Variants in ATG5 observed in about 807,000 individuals in gnomAD.
ATG5 encodes the protein autophagy protein 5.
Under a neutral mutation model 36.5 loss-of-function variants are expected in ATG5, and 14 were observed. That is an observed-to-expected ratio of 0.38 (90% CI 0.25 to 0.60). The LOEUF (loss-of-function observed/expected upper bound fraction) is 0.60, where lower values mean the gene tolerates loss of function less well. ATG5 is among the 20% of genes least tolerant of loss of function. The pLI, the probability that ATG5 is intolerant of heterozygous loss-of-function variation, is 0.60. For missense variants in ATG5, 195 were observed against 326.7 expected, an observed-to-expected ratio of 0.60 and a Z score of 3.11; for synonymous variants, 95 against 101.5, an observed-to-expected ratio of 0.94 and a Z score of 0.38.
At chr6:106,194,600 G>T (rs1036638327) in intron 7 of ATG5, among the ~76,000 whole-genome samples, 13 of 151,414 alleles carry the variant, frequency 8.6e-5, no homozygotes, top group African/African-American at 3.2e-4. Context: ...CTGCAATGGC[G>T]CATTCCAGGT....
intron 1 of ATG5, among the ~76,000 whole-genome samples, chr6:106,321,992 C>T (rs1042474510): frequency 1.3e-5 from 2 of 152,104 alleles, no homozygotes; most frequent in Non-Finnish European, 2.9e-5. Context: ...TCAGTATAGT[C>T]GCACTTTAAA....
At chr6:106,303,948 C>CTA (rs1230506180) in intron 3 of ATG5, among the ~76,000 whole-genome samples, 1 of 147,700 alleles carries the variant, frequency 6.8e-6, no homozygotes, top group African/African-American at 2.5e-5. Context: ...CAACACAGTA[C>CTA]TAGAAGTTCT....
At chr6:106,232,252 G>A (rs747592029) in intron 6 of ATG5, among the ~76,000 whole-genome samples, 46 of 152,070 alleles carry the variant, frequency 3.0e-4, no homozygotes, top group Non-Finnish European at 5.3e-4. Flanking sequence ...CCCAGACAAC[G>A]GTCCTCCAGA....
At chr6:106,285,717 A>G (rs1780050950) in intron 4 of ATG5, among the ~76,000 whole-genome samples, 2 of 152,238 alleles carry the variant, frequency 1.3e-5, no homozygotes, top group Non-Finnish European at 2.9e-5. Flanking sequence ...ATGTATATGA[A>G]TTTCCATGAG....
rs541939938 is a variant in ATG5 at position 106,322,281 on chromosome 6, A to G, written c.-59+3245T>C. On this transcript the variant is annotated intron_variant, in intron 1 of 7. Transcript: ENST00000369076. ...CGGTGTGACAACAATATAATGCATA[A>G]TAGTTTCTTTCACACTACATACCAA... 4.6e-5 allele frequency among the ~76,000 whole-genome samples: 7 copies of G among 152,336 alleles called. No individual in the cohort carries two copies. In the East Asian group the frequency reaches 1.2e-3, roughly 25 times the overall value.
Position 106,256,630 on chromosome 6 carries a change from T to C in ATG5, c.479-8386A>G. 1.3e-5 allele frequency among the ~76,000 whole-genome samples: 2 copies of C among 151,966 alleles called. 1 individual carries two copies. The highest frequency in any genetic ancestry group is 3.8e-4 in the East Asian group (2 of 5,198). On this transcript the variant is annotated intron_variant, in intron 5 of 7. Coordinates refer to ENST00000369076, the MANE Select transcript of ATG5 (RefSeq NM_004849.4). ...TACAGATTACTACACAACTAGGCTA[T>C]ATGGTATAACCTATTGCTCCTAGGC...
chr6:106,216,969 A>C (rs1256862088), intron 6 of ATG5, among the ~76,000 whole-genome samples: 1 of 152,108 alleles, frequency 6.6e-6, no homozygotes, highest in Non-Finnish European at 1.5e-5. Flanking sequence ...ATTAAAAAAA[A>C]AAAAGTTATC....
chr6:106,247,608 C>T (rs1752741200), intron 6 of ATG5, among the ~76,000 whole-genome samples: 1 of 152,170 alleles, frequency 6.6e-6, no homozygotes, highest in African/African-American at 2.4e-5. Context: ...ACAACATGTT[C>T]ATTAACTGAT....
intron 7 of ATG5, among the ~76,000 whole-genome samples, chr6:106,187,833 C>A (rs1377712846): frequency 6.6e-6 from 1 of 152,144 alleles, no homozygotes; most frequent in Non-Finnish European, 1.5e-5. Context: ...AGAGGCAGCA[C>A]AGTCCCAGGT....
At chr6:106,273,646 C>T (rs1216879671) in intron 5 of ATG5, among the ~76,000 whole-genome samples, 1 of 152,146 alleles carries the variant, frequency 6.6e-6, no homozygotes, top group Admixed American at 6.5e-5. Context: ...AGAAAAGTGA[C>T]CTGCCATGAT....
At chr6:106,282,863 T>TGCA (rs138770063) in intron 4 of ATG5, among the ~76,000 whole-genome samples, 13,007 of 152,136 alleles carry the variant, frequency 0.085, 583 homozygotes, top group South Asian at 0.13. Context: ...CACACCTTAT[T>TGCA]GCAGCCTCAA....
intron 7 of ATG5, among the ~76,000 whole-genome samples, chr6:106,194,117 C>T (rs902193857): frequency 7.9e-5 from 12 of 152,064 alleles, no homozygotes; most frequent in African/African-American, 2.9e-4. Flanking sequence ...AATCAAATAG[C>T]GTGAAGGTAC....
At chr6:106,219,437 G>A (rs1397861001) in intron 6 of ATG5, among the ~76,000 whole-genome samples, 1 of 152,158 alleles carries the variant, frequency 6.6e-6, no homozygotes, top group African/African-American at 2.4e-5. Context: ...TTCTGCATCT[G>A]CAGATTCAAC....
At chr6:106,260,644 C>A (rs1009181873) in intron 5 of ATG5, among the ~76,000 whole-genome samples, 2 of 152,132 alleles carry the variant, frequency 1.3e-5, no homozygotes, top group African/African-American at 4.8e-5. Flanking sequence ...AATTAAAATA[C>A]CAGTGGCACA....
At chr6:106,323,206 T>C (rs1379612234) in intron 1 of ATG5, among the ~76,000 whole-genome samples, 1 of 151,472 alleles carries the variant, frequency 6.6e-6, no homozygotes, top group Non-Finnish European at 1.5e-5. Context: ...CAACAAAAAG[T>C]TCTCCTATCA....
At chr6:106,248,886 C>T (rs369630102) in intron 5 of ATG5, among the ~76,000 whole-genome samples, 12 of 152,114 alleles carry the variant, frequency 7.9e-5, no homozygotes, top group South Asian at 4.2e-4. Context: ...TGTGGTGAGC[C>T]GAGATCACGC....
intron 5 of ATG5, among the ~76,000 whole-genome samples, chr6:106,259,453 T>G (rs1184672851): frequency 2.0e-5 from 3 of 152,212 alleles, no homozygotes; most frequent in African/African-American, 7.2e-5. Context: ...ATATCTGAAT[T>G]GCATTACTCT....
intron 4 of ATG5, chr6:106,283,581 T>C (rs1382249530): frequency 1.3e-5 from 2 of 152,130 alleles, no homozygotes; most frequent in Non-Finnish European, 2.9e-5. Context: ...GGTCACCGTA[T>C]TGATGCTGAA....
intron 6 of ATG5, among the ~76,000 whole-genome samples, chr6:106,229,347 T>C (rs138931160): frequency 2.0e-5 from 3 of 151,740 alleles, no homozygotes; most frequent in Admixed American, 6.6e-5. Flanking sequence ...GGCCCCAAGT[T>C]TGTAAATGGC....
Sources: allele counts gnomAD v4.1 joint callset (sites outside exome capture counted in the v4.1 genomes callset), GRCh38; gene constraint gnomAD v4.1.1; transcripts MANE v1.5; gene names NCBI Gene and HGNC (gene_info 2026-07-23, HGNC 2026-07-21).